Variants in MSI2 observed in about 807,000 individuals in gnomAD.
MSI2 encodes the protein musashi RNA binding protein 2.
A neutral mutation model predicts 45.6 loss-of-function variants in MSI2; 17 were observed. That is an observed-to-expected ratio of 0.37 (90% CI 0.26 to 0.56). The LOEUF (loss-of-function observed/expected upper bound fraction) is 0.56. MSI2 is among the 20% of genes least tolerant of loss of function. The pLI, the probability that MSI2 is intolerant of heterozygous loss-of-function variation, is 0.77. For missense variants in MSI2, 293 were observed against 444.2 expected, an observed-to-expected ratio of 0.66 and a Z score of 3.06; for synonymous variants, 156 against 158.2, an observed-to-expected ratio of 0.99 and a Z score of 0.11.
At chr17:57,376,332 A>G (rs923196564) in intron 5 of MSI2, among the ~76,000 whole-genome samples, 1 of 152,212 alleles carries the variant, frequency 6.6e-6, no homozygotes, top group Non-Finnish European at 1.5e-5. Context: ...CTCAGGGCCA[A>G]GTAGCCAGCA....
chr17:57,380,548 T>C (rs1295560293), intron 5 of MSI2, among the ~76,000 whole-genome samples: 1 of 152,184 alleles, frequency 6.6e-6, no homozygotes, highest in Non-Finnish European at 1.5e-5. Context: ...GACCTGTAAG[T>C]GCCCACTGGG....
chr17:57,649,309 A>G (rs1001046813), intron 10 of MSI2, among the ~76,000 whole-genome samples: 1 of 151,108 alleles, frequency 6.6e-6, no homozygotes, highest in Admixed American at 6.6e-5. Context: ...AACACACACA[A>G]CACATACATA....
At chr17:57,535,063 T>C (rs2086894121) in intron 7 of MSI2, among the ~76,000 whole-genome samples, 1 of 152,138 alleles carries the variant, frequency 6.6e-6, no homozygotes, top group Non-Finnish European at 1.5e-5. Context: ...GTTTGCTCTG[T>C]TGTTGGCAGG....
At chr17:57,491,909 T>C (rs1029499061) in intron 6 of MSI2, among the ~76,000 whole-genome samples, 2 of 152,184 alleles carry the variant, frequency 1.3e-5, no homozygotes, top group Non-Finnish European at 2.9e-5. Context: ...AGATGAGCAT[T>C]ACTCTGAAAG....
intron 11 of MSI2, among the ~76,000 whole-genome samples, chr17:57,672,934 C>T (rs535915962): frequency 1.3e-5 from 2 of 152,194 alleles, no homozygotes; most frequent in Non-Finnish European, 2.9e-5. Context: ...TTTCTGCCAG[C>T]GCATTCCCAG....
At chr17:57,291,971 C>G (rs1222853245) in intron 5 of MSI2, among the ~76,000 whole-genome samples, 1 of 151,982 alleles carries the variant, frequency 6.6e-6, no homozygotes, top group East Asian at 1.9e-4. Context: ...ACTGATTGAG[C>G]CTTTACCATG....
Position 57,616,099 on chromosome 17 carries a change from G to T in MSI2, c.652+15G>T. 1 of 1,606,320 alleles carries T rather than the reference G, an allele frequency of 6.2e-7. No individual in the cohort carries two copies. On this transcript the variant is annotated intron_variant, in intron 9 of 13. Coordinates refer to ENST00000284073, the MANE Select transcript of MSI2 (RefSeq NM_138962.4). ...GGGGATGCTGGGTGAGTCTGGACAG[G>T]ACCGCAGGTCACCATGGACTGGGAG...
chr17:57,330,135 G>A (rs1914120913), intron 5 of MSI2, among the ~76,000 whole-genome samples: 1 of 152,140 alleles, frequency 6.6e-6, no homozygotes, highest in East Asian at 1.9e-4. Context: ...CATCTAGTCC[G>A]AAGGAAAGCC....
At chr17:57,336,501 A>G (rs2143761910) in intron 5 of MSI2, among the ~76,000 whole-genome samples, 1 of 152,342 alleles carries the variant, frequency 6.6e-6, no homozygotes, top group Non-Finnish European at 1.5e-5. Context: ...CTGTGTTACC[A>G]ATGGTCTTTA....
chr17:57,447,964 G>A (rs1313098074), intron 6 of MSI2, among the ~76,000 whole-genome samples: 5 of 152,186 alleles, frequency 3.3e-5, no homozygotes, highest in African/African-American at 7.2e-5. Flanking sequence ...TATCACTGAC[G>A]TGTCTCTCCT....
At chr17:57,559,179 A>G (rs1160182786) in intron 7 of MSI2, among the ~76,000 whole-genome samples, 4 of 152,252 alleles carry the variant, frequency 2.6e-5, no homozygotes, top group Non-Finnish European at 4.4e-5. Flanking sequence ...AGACATCAAC[A>G]GAAGCACAAA....
chr17:57,425,941 A>G (rs1046678884), intron 6 of MSI2, among the ~76,000 whole-genome samples: 1 of 152,170 alleles, frequency 6.6e-6, no homozygotes, highest in African/African-American at 2.4e-5. Context: ...TAAAATTTAC[A>G]TTCCTCTGAA....
chr17:57,545,172 C>T (rs1048359286), intron 7 of MSI2, among the ~76,000 whole-genome samples: 2 of 152,002 alleles, frequency 1.3e-5, no homozygotes, highest in Admixed American at 6.6e-5. Context: ...GAGGCCCCCC[C>T]GTTTTTTAAG....
At chr17:57,645,271 C>T (rs1185298795) in intron 10 of MSI2, among the ~76,000 whole-genome samples, 1 of 152,194 alleles carries the variant, frequency 6.6e-6, no homozygotes, top group East Asian at 1.9e-4. Context: ...CGCATTGGCT[C>T]TCACAGGGGA....
At chr17:57,588,659 A>AGGG (rs1251762355) in intron 7 of MSI2, among the ~76,000 whole-genome samples, 1 of 152,180 alleles carries the variant, frequency 6.6e-6, no homozygotes, top group East Asian at 1.9e-4. Context: ...AAGCCAACAT[A>AGGG]GAGCTGGAGT....
intron 6 of MSI2, among the ~76,000 whole-genome samples, chr17:57,518,640 C>T (rs922298225): frequency 4.6e-5 from 7 of 152,324 alleles, no homozygotes; most frequent in Non-Finnish European, 8.8e-5. Flanking sequence ...TGCCTCTCTC[C>T]TCTGGAGCTG....
chr17:57,648,131 TCGTGTGTG>T (rs1910829504), intron 10 of MSI2, among the ~76,000 whole-genome samples: 3 of 111,370 alleles, frequency 2.7e-5, no homozygotes, highest in Non-Finnish European at 5.8e-5. Context: ...CCTGGCTAAT[TCGTGTGTG>T]TGTGTGTGTG....
intron 5 of MSI2, among the ~76,000 whole-genome samples, chr17:57,380,985 A>G (rs565666683): frequency 2.7e-4 from 41 of 151,844 alleles, no homozygotes; most frequent in African/African-American, 9.9e-4. Flanking sequence ...CATCTTACAC[A>G]TACCCCCAGC....
intron 6 of MSI2, among the ~76,000 whole-genome samples, chr17:57,495,977 A>G (rs1228696776): frequency 6.6e-6 from 1 of 152,204 alleles, no homozygotes; most frequent in Non-Finnish European, 1.5e-5. Context: ...TGGCTCAGGG[A>G]GCATTTTTTG....
Sources: allele counts gnomAD v4.1 joint callset (sites outside exome capture counted in the v4.1 genomes callset), GRCh38; gene constraint gnomAD v4.1.1; transcripts MANE v1.5; gene names NCBI Gene and HGNC (gene_info 2026-07-23, HGNC 2026-07-21).